YWHAG: variants seen among roughly 807,000 people sequenced by gnomAD.
The protein encoded by YWHAG is 14-3-3 protein gamma.
In YWHAG, 1 loss-of-function variant was observed where a neutral mutation model predicts 23.3. That is an observed-to-expected ratio of 0.04 (90% CI 0.02 to 0.20). The LOEUF (loss-of-function observed/expected upper bound fraction) is 0.20, where lower values mean the gene tolerates loss of function less well. Ranked by LOEUF, YWHAG falls within the 10% of genes least tolerant of loss-of-function variation. The pLI is 1.00. For missense variants in YWHAG, 151 were observed against 338.6 expected (o/e 0.45, Z 4.35); for synonymous variants, 160 against 144.0 (o/e 1.11, Z -0.80).
At chr7:76,330,368 G>T in intron 1 of YWHAG, 135 bp from the exon 2 acceptor site, 1 of 980,278 alleles carries the variant, frequency 1.0e-6, no homozygotes, top group Non-Finnish European at 1.5e-6. Context: ...TGGGCTGGGG[G>T]AAGGGGGCTG....
chr7:76,358,482 G>GGCCCGC (rs542508384), intron 1 of YWHAG, among the ~76,000 whole-genome samples: 2,650 of 152,208 alleles, frequency 0.017, 62 homozygotes, highest in African/African-American at 0.061. Context: ...ACCTCGCCCC[G>GGCCCGC]GCCCGCGCCC....
intron 1 of YWHAG, among the ~76,000 whole-genome samples, chr7:76,347,540 C>T (rs1449571338): frequency 2.0e-5 from 3 of 151,874 alleles, no homozygotes; most frequent in East Asian, 1.9e-4. Flanking sequence ...GAGCTGAGAT[C>T]GTGCCATTGA....
intron 1 of YWHAG, among the ~76,000 whole-genome samples, chr7:76,340,150 A>G (rs1237859949): frequency 6.6e-6 from 1 of 152,232 alleles, no homozygotes; most frequent in African/African-American, 2.4e-5. Flanking sequence ...AAGGTTACAC[A>G]TGGGATTTGA....
intron 1 of YWHAG, among the ~76,000 whole-genome samples, chr7:76,351,606 G>A (rs979555026): frequency 2.6e-5 from 4 of 152,094 alleles, no homozygotes; most frequent in Admixed American, 1.3e-4. Flanking sequence ...TCAGATCAGC[G>A]GTGGCATTAG....
chr7:76,329,511 AC>A lies in YWHAG; in HGVS notation c.*65del. ...CTTTCCCTCCCCCACCCGACCCCCA[AC>A]TCATGGGAAAAAAATAAAGACTGCA... On this transcript the variant is annotated 3_prime_UTR_variant, in exon 2 of 2. Coordinates refer to ENST00000307630, the MANE Select transcript of YWHAG (RefSeq NM_012479.4). This position sits in a 1 kb window ranked among gnomAD's most constrained non-coding sequence, Gnocchi z 6.1. 4 of 1,349,718 alleles carry A rather than the reference AC, an allele frequency of 3.0e-6. No homozygotes were observed. Among genetic ancestry groups the A allele is most frequent in the Non-Finnish European group, 4.0e-6 (4 of 1,011,338 alleles). 83.6% of individuals were successfully genotyped at this position (1,349,718 alleles called of 1,614,324 possible). A position where few individuals can be genotyped will look rare whatever the true frequency, so the allele number is the denominator to read the frequency against.
In YWHAG at chr7:76,329,253, TTTAAG is replaced by T. The variant is rs1803503659; in HGVS notation, c.*319_*323del. 3 of 268,322 alleles carry T rather than the reference TTTAAG, an allele frequency of 1.1e-5. No homozygotes were observed. Among genetic ancestry groups the T allele is most frequent in the Non-Finnish European group, 2.1e-5 (3 of 141,016 alleles). The allele number at this position is 268,322 out of a possible 1,614,324, so 16.6% of individuals were successfully genotyped here. Reference sequence around the variant, plus strand: ...ACTTACTGAATGAGGGCCATTCCTCTTTAAGTTTTCTTTTCATCTGAAAACCCTAT... The same window carrying T: ...ACTTACTGAATGAGGGCCATTCCTCTTTTTCTTTTCATCTGAAAACCCTAT... On this transcript the variant is annotated 3_prime_UTR_variant, in exon 2 of 2. Coordinates refer to ENST00000307630, the MANE Select transcript of YWHAG (RefSeq NM_012479.4). The surrounding 1 kb of genome is among the most constrained non-coding windows in gnomAD (Gnocchi z 6.1).
intron 1 of YWHAG, among the ~76,000 whole-genome samples, chr7:76,343,548 G>A (rs955053351): frequency 6.6e-6 from 1 of 152,148 alleles, no homozygotes; most frequent in Non-Finnish European, 1.5e-5. Context: ...TCCACATGAT[G>A]TACCCATCTG....
intron 1 of YWHAG, among the ~76,000 whole-genome samples, chr7:76,336,610 A>G (rs1460316261): frequency 6.6e-6 from 1 of 151,612 alleles, no homozygotes; most frequent in Non-Finnish European, 1.5e-5. Context: ...ACCCACCACC[A>G]CGCCTGGCTA....
At chr7:76,358,641 G>T (rs1804001203) in intron 1 of YWHAG, 81 bp downstream of exon 1, 5 of 1,384,900 alleles carry the variant, frequency 3.6e-6, no homozygotes, top group African/African-American at 2.9e-5. Flanking sequence ...GCGACAGGGC[G>T]ACGAAGCCCC....
chr7:76,349,070 T>C (rs1234694221), intron 1 of YWHAG, among the ~76,000 whole-genome samples: 1 of 151,548 alleles, frequency 6.6e-6, no homozygotes, highest in Non-Finnish European at 1.5e-5. Context: ...CGGCCGGGTG[T>C]GGTGGCTCAT....
intron 1 of YWHAG, among the ~76,000 whole-genome samples, chr7:76,336,650 T>C (rs1056365066): frequency 1.3e-5 from 2 of 151,990 alleles, no homozygotes; most frequent in African/African-American, 4.8e-5. Flanking sequence ...GAGACAGGGT[T>C]TCACCACGTT....
At chr7:76,349,444 GAC>G (rs34840797) in intron 1 of YWHAG, among the ~76,000 whole-genome samples, 44,502 of 142,862 alleles carry the variant, frequency 0.31, 7,143 homozygotes, top group East Asian at 0.51. Context: ...CACACACACA[GAC>G]ACACACACAC....
chr7:76,352,318 A>G (rs1000824473), intron 1 of YWHAG, among the ~76,000 whole-genome samples: 1 of 152,086 alleles, frequency 6.6e-6, no homozygotes, highest in South Asian at 2.1e-4. Flanking sequence ...TCGCTCCCTT[A>G]GCCATTCCTC....
At chr7:76,334,331 AGACAGAAT>A (rs1271608661) in intron 1 of YWHAG, among the ~76,000 whole-genome samples, 3 of 152,380 alleles carry the variant, frequency 2.0e-5, no homozygotes, top group South Asian at 2.1e-4. Flanking sequence ...GATTTAATCA[AGACAGAAT>A]GACAGAATGA....
At chr7:76,348,904 C>T (rs1382394718) in intron 1 of YWHAG, among the ~76,000 whole-genome samples, 1 of 151,210 alleles carries the variant, frequency 6.6e-6, no homozygotes, top group Non-Finnish European at 1.5e-5. Flanking sequence ...GCAAATTAAA[C>T]ATTTCCACCT....
chr7:76,341,573 G>A (rs1407141873), intron 1 of YWHAG, among the ~76,000 whole-genome samples: 1 of 152,144 alleles, frequency 6.6e-6, no homozygotes, highest in Non-Finnish European at 1.5e-5. Flanking sequence ...GACAAATGAT[G>A]CACTGATAAC....
chr7:76,344,750 A>G (rs1479853404), intron 1 of YWHAG, among the ~76,000 whole-genome samples: 1 of 152,206 alleles, frequency 6.6e-6, no homozygotes, highest in East Asian at 1.9e-4. Flanking sequence ...GAACTCATCA[A>G]TTGGGACAAC....
At chr7:76,351,822 G>A (rs968265472) in intron 1 of YWHAG, among the ~76,000 whole-genome samples, 3 of 152,166 alleles carry the variant, frequency 2.0e-5, no homozygotes, top group Admixed American at 6.5e-5. Context: ...ATACTACAAT[G>A]TAGCAATAAT....
At chr7:76,352,300 C>T (rs1190425224) in intron 1 of YWHAG, among the ~76,000 whole-genome samples, 1 of 152,112 alleles carries the variant, frequency 6.6e-6, no homozygotes, top group Admixed American at 6.5e-5. Flanking sequence ...CTTTTTAAAG[C>T]CTTCCCCTCG....
Sources: gnomAD v4.1 joint callset for allele counts (sites outside exome capture counted in the v4.1 genomes callset) on GRCh38, gnomAD v4.1.1 for gene constraint, Gnocchi (gnomAD v3.1) non-coding constraint, MANE v1.5 for transcripts, NCBI Gene and HGNC (gene_info 2026-07-23, HGNC 2026-07-21) for gene names.